The following AOPEP variants were observed in gnomAD, a reference collection of about 807,000 sequenced individuals.
AOPEP encodes the protein aminopeptidase O.
In AOPEP, 77 loss-of-function variants were observed where a neutral mutation model predicts 98.1. The observed-to-expected ratio is 0.78, with a 90% confidence interval of 0.65 to 0.95. The LOEUF (loss-of-function observed/expected upper bound fraction) is 0.95, where lower values mean the gene tolerates loss of function less well. AOPEP is among the 40% of genes least tolerant of loss of function. The pLI, the probability that AOPEP is intolerant of heterozygous loss-of-function variation, is 0.00. For missense variants in AOPEP, 1,024 were observed against 1,024.7 expected, an observed-to-expected ratio of 1.00 and a Z score of 0.01; for synonymous variants, 346 against 365.3, an observed-to-expected ratio of 0.95 and a Z score of 0.60.
chr9:95,068,166 G>A (rs1452324443), intron 14 of AOPEP, among the ~76,000 whole-genome samples: 2 of 152,178 alleles, frequency 1.3e-5, no homozygotes. Context: ...GTTTTGTGTG[G>A]ACATATGCTT....
the AOPEP span, among the ~76,000 whole-genome samples, chr9:95,137,007 T>A: frequency 6.6e-6 from 1 of 151,980 alleles, no homozygotes; most frequent in African/African-American, 2.4e-5. Context: ...TCCCAGTGGG[T>A]GCTTTTCAAA....
the AOPEP span, among the ~76,000 whole-genome samples, chr9:95,092,450 G>A: frequency 6.6e-6 from 1 of 152,184 alleles, no homozygotes; most frequent in Non-Finnish European, 1.5e-5. Flanking sequence ...CTCCCCACCT[G>A]GGAGAGGAGT....
At chr9:94,937,677 CATT>C (rs2056465913) in intron 7 of AOPEP, among the ~76,000 whole-genome samples, 1 of 152,162 alleles carries the variant, frequency 6.6e-6, no homozygotes, top group Non-Finnish European at 1.5e-5. Context: ...TATGACTCAT[CATT>C]ATGACTCAGC....
chr9:94,753,824 C>A (rs928931792), intron 1 of AOPEP, among the ~76,000 whole-genome samples: 1 of 152,168 alleles, frequency 6.6e-6, no homozygotes, highest in Non-Finnish European at 1.5e-5. Context: ...TAACATCAGG[C>A]AAAACGGAAT....
chr9:94,987,847 C>A (rs561024866), intron 11 of AOPEP, among the ~76,000 whole-genome samples: 13 of 152,150 alleles, frequency 8.5e-5, no homozygotes, highest in Non-Finnish European at 1.0e-4. Flanking sequence ...CCAGATTACA[C>A]AGGGACTTGA....
At chr9:95,141,052 G>T in the AOPEP span, among the ~76,000 whole-genome samples, 3 of 152,170 alleles carry the variant, frequency 2.0e-5, no homozygotes, top group Non-Finnish European at 2.9e-5. Flanking sequence ...TCTCAGGCCT[G>T]TAGTCTCAGC....
chr9:94,989,457 G>T (rs1279069681), intron 11 of AOPEP, among the ~76,000 whole-genome samples: 1 of 151,750 alleles, frequency 6.6e-6, no homozygotes, highest in Non-Finnish European at 1.5e-5. Context: ...GGATGGTCTC[G>T]ATCTCCTAAC....
At chr9:95,023,662 T>G (rs1400064762) in intron 13 of AOPEP, among the ~76,000 whole-genome samples, 1 of 152,184 alleles carries the variant, frequency 6.6e-6, no homozygotes. Flanking sequence ...TCCAGAAACC[T>G]TTCAACAACA....
chr9:95,082,489 G>C, intron 15 of AOPEP, 86 bp from the exon 16 acceptor site: 1 of 1,434,752 alleles, frequency 7.0e-7, no homozygotes, highest in East Asian at 2.4e-5. Context: ...AAGTGTGTGT[G>C]GAACAAGCAC....
chr9:95,138,694 T>C, the AOPEP span, among the ~76,000 whole-genome samples: 1 of 152,194 alleles, frequency 6.6e-6, no homozygotes, highest in Admixed American at 6.5e-5. Flanking sequence ...GGCACGGTGT[T>C]TGTCATTCAT....
In AOPEP at chr9:94,993,655, G is replaced by A. The variant is rs12682668; in HGVS notation, c.1978-11503G>A. On this transcript the variant is annotated intron_variant, in intron 11 of 16. Coordinates refer to ENST00000375315, the MANE Select transcript of AOPEP (RefSeq NM_001193329.3). ...CTAAAAATATTTTCCTTTGTAGGCC[G>A]AGGGGAGTTTCAAACCGCACTGAGA... Among the ~76,000 whole-genome samples the A allele has an allele frequency of 4.6e-3, 705 of 152,232 alleles. 9 individuals carry two copies. The highest frequency in any genetic ancestry group is 0.04 in the South Asian group (193 of 4,818).
At chr9:94,914,523 C>CGTGTGTGTGTGTGT (rs67826706) in intron 5 of AOPEP, among the ~76,000 whole-genome samples, 1,719 of 143,600 alleles carry the variant, frequency 0.012, 35 homozygotes, top group African/African-American at 0.029. Flanking sequence ...TGGCATTAGA[C>CGTGTGTGTGTGTGT]GTGTGTGTGT....
intron 9 of AOPEP, among the ~76,000 whole-genome samples, chr9:94,964,934 C>T (rs575960088): frequency 3.3e-5 from 5 of 152,172 alleles, no homozygotes; most frequent in Admixed American, 3.3e-4. Context: ...ACACCACACC[C>T]GGCCCCTACA....
At chr9:94,878,670 T>G (rs1278616638) in intron 5 of AOPEP, among the ~76,000 whole-genome samples, 1 of 152,222 alleles carries the variant, frequency 6.6e-6, no homozygotes, top group African/African-American at 2.4e-5. Context: ...GGCCAACTTA[T>G]GTTTTCCAGT....
chr9:94,737,244 A>G (rs149624228), intron 1 of AOPEP, among the ~76,000 whole-genome samples: 1 of 152,072 alleles, frequency 6.6e-6, no homozygotes, highest in African/African-American at 2.4e-5. Context: ...AGCCGAGAGT[A>G]CAAGCACATG....
intron 13 of AOPEP, among the ~76,000 whole-genome samples, chr9:95,006,504 A>G (rs2062032034): frequency 6.6e-6 from 1 of 152,188 alleles, no homozygotes; most frequent in Non-Finnish European, 1.5e-5. Flanking sequence ...GAGAATGTGC[A>G]CAAAGCACAT....
intron 14 of AOPEP, among the ~76,000 whole-genome samples, chr9:95,061,598 A>G (rs766497743): frequency 3.3e-5 from 5 of 152,238 alleles, no homozygotes; most frequent in Admixed American, 1.3e-4. Context: ...AGACACTGGA[A>G]TGAAGAAAGA....
At chr9:95,009,745 G>T (rs1338807632) in intron 13 of AOPEP, among the ~76,000 whole-genome samples, 1 of 152,020 alleles carries the variant, frequency 6.6e-6, no homozygotes, top group Non-Finnish European at 1.5e-5. Context: ...TTTTCTGCCA[G>T]AACCCAAAAA....
intron 6 of AOPEP, among the ~76,000 whole-genome samples, chr9:94,926,216 G>C (rs2054295933): frequency 2.6e-5 from 4 of 152,290 alleles, no homozygotes; most frequent in African/African-American, 9.6e-5. Context: ...TCCTTAGTCT[G>C]CTGGCTTGGT....
Sources: allele counts gnomAD v4.1 joint callset (sites outside exome capture counted in the v4.1 genomes callset), GRCh38; gene constraint gnomAD v4.1.1; transcripts MANE v1.5; gene names NCBI Gene and HGNC (gene_info 2026-07-23, HGNC 2026-07-21).